Variants in ASPRV1 observed in about 807,000 individuals in gnomAD.
ASPRV1 encodes retroviral-like aspartic protease 1.
ASPRV1 carries 7 observed loss-of-function variants against 11.0 expected under a neutral mutation model. That is an observed-to-expected ratio of 0.64 (90% CI 0.36 to 1.20). The LOEUF is 1.20. Among genes scored for constraint, ASPRV1 ranks in the 50% most tolerant of loss-of-function variants. The probability of loss-of-function intolerance (pLI) is 0.02; values close to 1 mark genes in which losing one functional copy is unlikely to be tolerated. For synonymous variants in ASPRV1, 136 were observed against 138.4 expected (o/e 0.98, Z 0.12); for missense variants, 299 against 320.0 (o/e 0.93, Z 0.50).
chr2:70,023,761 C>T, the ASPRV1 span, among the ~76,000 whole-genome samples: 1 of 150,922 alleles, frequency 6.6e-6, no homozygotes, highest in Admixed American at 6.6e-5. Context: ...TTTTAAAAGT[C>T]CTTTTTTCTA....
chr2:69,935,489 C>T, the ASPRV1 span: 1 of 1,490,302 alleles, frequency 6.7e-7, no homozygotes, highest in Non-Finnish European at 9.4e-7. Context: ...TGGGATGCTG[C>T]TTTATCTTTA....
At chr2:70,063,817 C>T in the ASPRV1 span, 2 of 152,136 alleles carry the variant, frequency 1.3e-5, no homozygotes, top group Non-Finnish European at 2.9e-5. Context: ...GGTAAGAATG[C>T]TAAAAGATGA....
chr2:70,034,683 T>G, the ASPRV1 span, among the ~76,000 whole-genome samples: 1 of 152,072 alleles, frequency 6.6e-6, no homozygotes, highest in African/African-American at 2.4e-5. Context: ...CACAGACACC[T>G]CCAATATAAC....
the ASPRV1 span, chr2:70,030,857 C>T: frequency 6.6e-6 from 1 of 152,172 alleles, no homozygotes; most frequent in African/African-American, 2.4e-5. Context: ...GCCATTCATT[C>T]AATAAACATA....
the ASPRV1 span, among the ~76,000 whole-genome samples, chr2:69,991,838 G>A: frequency 1.9e-3 from 295 of 152,226 alleles, 1 homozygote; most frequent in African/African-American, 6.8e-3. Context: ...GAGCCACTGC[G>A]GGGCTTTATT....
At chr2:69,933,269 C>G in the ASPRV1 span, among the ~76,000 whole-genome samples, 1 of 139,092 alleles carries the variant, frequency 7.2e-6, no homozygotes, top group East Asian at 2.1e-4. Flanking sequence ...AAGAAATAGA[C>G]AAATTTATAA....
the ASPRV1 span, among the ~76,000 whole-genome samples, chr2:69,985,417 T>A: frequency 6.6e-6 from 1 of 152,218 alleles, no homozygotes; most frequent in Non-Finnish European, 1.5e-5. Context: ...CATGGCCCCA[T>A]GATCATGGCT....
At chr2:70,019,297 T>C in the ASPRV1 span, 7 of 152,178 alleles carry the variant, frequency 4.6e-5, no homozygotes, top group South Asian at 4.1e-4. Context: ...AAGGAAACCT[T>C]TGCACATTAC....
the ASPRV1 span, among the ~76,000 whole-genome samples, chr2:70,038,194 G>A: frequency 2.6e-5 from 4 of 152,184 alleles, no homozygotes; most frequent in South Asian, 8.3e-4. Flanking sequence ...TTCAAAAGAT[G>A]GAAGATAATG....
At chr2:69,938,192 A>G in the ASPRV1 span, 7 of 1,614,114 alleles carry the variant, frequency 4.3e-6, no homozygotes, top group South Asian at 5.5e-5. Flanking sequence ...GCGGGGCAGC[A>G]TGCAGAGCCT....
chr2:70,040,351 G>C, the ASPRV1 span, among the ~76,000 whole-genome samples: 1 of 152,150 alleles, frequency 6.6e-6, no homozygotes, highest in African/African-American at 2.4e-5. Flanking sequence ...TCTAGCCTGA[G>C]TGACAGAGCA....
chr2:69,979,590 C>T, the ASPRV1 span, among the ~76,000 whole-genome samples: 4 of 152,188 alleles, frequency 2.6e-5, no homozygotes, highest in Admixed American at 2.6e-4. Flanking sequence ...CACAAAGGCC[C>T]CCAAAATGGC....
chr2:69,974,614 T>C, the ASPRV1 span, among the ~76,000 whole-genome samples: 1 of 152,090 alleles, frequency 6.6e-6, no homozygotes, highest in Non-Finnish European at 1.5e-5. Context: ...CCCTGCCCAA[T>C]GTATATTTTT....
At chr2:69,975,364 ACCTGACTCCCT>A in the ASPRV1 span, 1 of 152,730 alleles carries the variant, frequency 6.5e-6, no homozygotes, top group African/African-American at 2.4e-5. Flanking sequence ...CTTTCACGTC[ACCTGACTCCCT>A]GTCCGCACTG....
the ASPRV1 span, among the ~76,000 whole-genome samples, chr2:69,944,827 C>T: frequency 2.0e-4 from 31 of 152,042 alleles, no homozygotes; most frequent in Non-Finnish European, 4.1e-4. Context: ...TGCTGATCCT[C>T]CTGGGGATCT....
the ASPRV1 span, among the ~76,000 whole-genome samples, chr2:69,988,135 A>G: frequency 1.3e-4 from 20 of 152,254 alleles, no homozygotes. Flanking sequence ...TAGAATTACC[A>G]TATGATGCAG....
chr2:70,029,777 T>C, the ASPRV1 span, among the ~76,000 whole-genome samples: 4 of 152,226 alleles, frequency 2.6e-5, no homozygotes, highest in African/African-American at 7.2e-5. Context: ...ACAAGGGGTC[T>C]TGTGTCCTCA....
At chr2:70,004,306 C>T in the ASPRV1 span, among the ~76,000 whole-genome samples, 6 of 152,040 alleles carry the variant, frequency 3.9e-5, no homozygotes, top group South Asian at 2.1e-4. Flanking sequence ...CCGAGGCGGG[C>T]GGATGACGAG....
upstream of ASPRV1, chr2:69,961,743 C>A: frequency 6.7e-7 from 1 of 1,503,680 alleles, no homozygotes; most frequent in Non-Finnish European, 8.9e-7. Context: ...TGCCAGCATC[C>A]GGCCGGACTA....
Sources: gnomAD v4.1 joint callset for allele counts (sites outside exome capture counted in the v4.1 genomes callset) on GRCh38, gnomAD v4.1.1 for gene constraint, MANE v1.5 for transcripts, NCBI Gene and HGNC (gene_info 2026-07-23, HGNC 2026-07-21) for gene names.